Variants in NTRK2 observed in about 807,000 individuals in gnomAD.
NTRK2 encodes the protein BDNF/NT-3 growth factors receptor.
In NTRK2, 13 loss-of-function variants were observed where a neutral mutation model predicts 94.5. That is an observed-to-expected ratio of 0.14 (90% CI 0.09 to 0.22). The LOEUF (loss-of-function observed/expected upper bound fraction) is 0.22, where lower values mean the gene tolerates loss of function less well. NTRK2 is among the 10% of genes least tolerant of loss of function. The pLI, the probability that NTRK2 is intolerant of heterozygous loss-of-function variation, is 1.00. For synonymous variants in NTRK2, 372 were observed against 407.4 expected, an observed-to-expected ratio of 0.91 and a Z score of 1.05; for missense variants, 639 against 1,071.2, an observed-to-expected ratio of 0.60 and a Z score of 5.63.
intron 4 of NTRK2, among the ~76,000 whole-genome samples, chr9:84,707,175 T>C (rs2061156853): frequency 6.6e-6 from 1 of 152,202 alleles, no homozygotes; most frequent in Non-Finnish European, 1.5e-5. Flanking sequence ...TTATTTTTTT[T>C]AGTCACAAAT....
intron 1 of NTRK2, among the ~76,000 whole-genome samples, 199 bp downstream of exon 1, chr9:84,670,087 TA>T (rs1001860408): frequency 1.3e-5 from 2 of 152,024 alleles, no homozygotes; most frequent in Non-Finnish European, 2.9e-5. Flanking sequence ...CATTCCCCTT[TA>T]AAGGGTCCTT....
At chr9:84,691,653 A>G (rs892188445) in intron 2 of NTRK2, among the ~76,000 whole-genome samples, 1 of 152,176 alleles carries the variant, frequency 6.6e-6, no homozygotes, top group African/African-American at 2.4e-5. Flanking sequence ...TATGAAGATG[A>G]GCTGCAGAGG....
In NTRK2 at chr9:84,752,066, C is replaced by T. The variant is rs1393263777; in HGVS notation, c.1377C>T (p.His459=). The T allele has an allele frequency of 1.2e-6, 2 of 1,613,822 alleles. No homozygotes were observed. The highest frequency in any genetic ancestry group is 1.7e-6 in the Non-Finnish European group (2 of 1,179,874). ...TGTTTCTGCTTAAGTTGGCAAGACACTCCAAGTTTGGCATGAAAGGTAAGA... is the reference window on the plus strand; with the variant it reads ...TGTTTCTGCTTAAGTTGGCAAGACATTCCAAGTTTGGCATGAAAGGTAAGA... ...VMLFLLKLAR[H]SKFGMKDFSW... The change falls in exon 12 of 19, where the codon CAC becomes CAT. Residue 459 remains histidine, a synonymous_variant. Coordinates refer to ENST00000277120, the MANE Select transcript of NTRK2 (RefSeq NM_006180.6).
chr9:84,990,347 G>C (rs909727842), intron 17 of NTRK2, among the ~76,000 whole-genome samples: 9 of 152,204 alleles, frequency 5.9e-5, no homozygotes, highest in Admixed American at 4.6e-4. Context: ...AGGTGAATGT[G>C]ACATTGTTGT....
intron 14 of NTRK2, among the ~76,000 whole-genome samples, chr9:84,882,717 T>TGCGC (rs1010534010): frequency 2.1e-5 from 3 of 143,946 alleles, no homozygotes; most frequent in African/African-American, 8.1e-5. Context: ...TGTGTGTGTG[T>TGCGC]GTGCGCGCGC....
chr9:84,824,701 G>A lies in NTRK2; in HGVS notation c.1397-36339G>A, dbSNP rs186344678. ...GTGTTTCTGGGTGCTCTGTGTCCTGGTGAGTTCTGGGCCTATGAGACACAC... is the reference window on the plus strand; with the variant it reads ...GTGTTTCTGGGTGCTCTGTGTCCTGATGAGTTCTGGGCCTATGAGACACAC... On this transcript the variant is annotated intron_variant, in intron 12 of 18. Coordinates refer to ENST00000277120, the MANE Select transcript of NTRK2 (RefSeq NM_006180.6). Among the ~76,000 whole-genome samples the A allele has an allele frequency of 9.6e-4, 146 of 152,310 alleles. 1 individual carries two copies. The highest frequency in any genetic ancestry group is 1.5e-3 in the Non-Finnish European group (99 of 68,022).
At chr9:84,748,396 G>A (rs1327184553) in intron 11 of NTRK2, among the ~76,000 whole-genome samples, 1 of 152,218 alleles carries the variant, frequency 6.6e-6, no homozygotes, top group African/African-American at 2.4e-5. Flanking sequence ...TTCAGCAGTA[G>A]AGCCCACTTC....
chr9:84,932,322 C>T (rs908977485), intron 14 of NTRK2, among the ~76,000 whole-genome samples: 2 of 152,116 alleles, frequency 1.3e-5, no homozygotes, highest in Non-Finnish European at 2.9e-5. Flanking sequence ...TGCAAGAATT[C>T]GTACTGTATA....
At chr9:84,692,218 G>A (rs961425333) in intron 2 of NTRK2, among the ~76,000 whole-genome samples, 10 of 151,880 alleles carry the variant, frequency 6.6e-5, no homozygotes, top group Non-Finnish European at 1.2e-4. Context: ...AATTAAATAC[G>A]TTGGAAGAAA....
intron 14 of NTRK2, among the ~76,000 whole-genome samples, chr9:84,926,169 C>CTTTTTCTTT (rs2077789303): frequency 2.6e-5 from 1 of 38,514 alleles, no homozygotes; most frequent in Non-Finnish European, 5.4e-5. Flanking sequence ...TTCCTTCCTT[C>CTTTTTCTTT]CTTTCTTTCT....
At chr9:84,786,522 C>A (rs1229272561) in intron 12 of NTRK2, among the ~76,000 whole-genome samples, 1 of 152,108 alleles carries the variant, frequency 6.6e-6, no homozygotes, top group African/African-American at 2.4e-5. Flanking sequence ...ACTTCTGGTT[C>A]CTTTTTGCTG....
chr9:84,724,939 C>T (rs1268360366), intron 8 of NTRK2, among the ~76,000 whole-genome samples: 2 of 151,816 alleles, frequency 1.3e-5, no homozygotes, highest in African/African-American at 4.8e-5. Context: ...CAAAGATATC[C>T]CTCTTTTTAA....
At chr9:84,919,183 T>G (rs974084836) in intron 14 of NTRK2, among the ~76,000 whole-genome samples, 8 of 152,182 alleles carry the variant, frequency 5.3e-5, no homozygotes, top group African/African-American at 1.9e-4. Flanking sequence ...CTCTGCCCAT[T>G]CAGATAAATA....
intron 12 of NTRK2, among the ~76,000 whole-genome samples, chr9:84,826,610 G>A (rs2073205927): frequency 1.3e-5 from 2 of 152,122 alleles, no homozygotes; most frequent in African/African-American, 4.8e-5. Flanking sequence ...GAAGATCTGA[G>A]TTCCAATCCC....
chr9:84,877,585 G>A (rs1013382466), intron 14 of NTRK2: 38 of 1,065,876 alleles, frequency 3.6e-5, no homozygotes, highest in Non-Finnish European at 4.3e-5. Flanking sequence ...CAACCATTCA[G>A]CCTGCTGCTG....
chr9:84,724,400 T>C lies in NTRK2; in HGVS notation c.853+44T>C, dbSNP rs78162291. The C allele has an allele frequency of 1.0e-3, 1,606 of 1,613,032 alleles. 22 individuals are homozygous for C. In the African/African-American group the frequency reaches 0.019, roughly 19 times the overall value. ...ATGTGTTTTTAATAGCAAATGATCA[T>C]GGACGTACCTACGTTTGTTGCTGGG... On this transcript the variant is annotated intron_variant, in intron 8 of 18. Coordinates refer to ENST00000277120, the MANE Select transcript of NTRK2 (RefSeq NM_006180.6).
At chr9:84,786,100 G>T (rs549071576) in intron 12 of NTRK2, among the ~76,000 whole-genome samples, 2 of 152,168 alleles carry the variant, frequency 1.3e-5, no homozygotes, top group Non-Finnish European at 1.5e-5. Flanking sequence ...CACTGTATGA[G>T]CCTGCAGTCC....
chr9:84,814,776 C>A, intron 12 of NTRK2: 3 of 1,064,366 alleles, frequency 2.8e-6, no homozygotes, highest in Non-Finnish European at 3.4e-6. Context: ...AGCATAGGGT[C>A]TCTCAGGGTT....
chr9:84,990,842 G>C (rs1049869839), intron 17 of NTRK2, among the ~76,000 whole-genome samples: 1 of 152,184 alleles, frequency 6.6e-6, no homozygotes, highest in Non-Finnish European at 1.5e-5. Flanking sequence ...GGGAATGAAT[G>C]GAAGTGTTTC....
Sources: gnomAD v4.1 joint callset for allele counts (sites outside exome capture counted in the v4.1 genomes callset) on GRCh38, gnomAD v4.1.1 for gene constraint, MANE v1.5 for transcripts, NCBI Gene and HGNC (gene_info 2026-07-23, HGNC 2026-07-21) for gene names.